AGAP1: variants seen among roughly 807,000 people sequenced by gnomAD.
AGAP1 encodes ArfGAP with GTPase domain, ankyrin repeat and PH domain 1, also known as arf-GAP with GTPase, ANK repeat and PH domain-containing protein 1.
AGAP1 carries 29 observed loss-of-function variants against 105.3 expected under a neutral mutation model. The observed-to-expected ratio is 0.28, with a 90% CI of 0.21 to 0.38. The LOEUF (loss-of-function observed/expected upper bound fraction) is 0.38. Ranked by LOEUF, AGAP1 falls within the 10% of genes least tolerant of loss-of-function variation. The probability of loss-of-function intolerance (pLI) is 1.00; values close to 1 mark genes in which losing one functional copy is unlikely to be tolerated. For missense variants in AGAP1, 998 were observed against 1,165.1 expected, an observed-to-expected ratio of 0.86 and a Z score of 2.09; for synonymous variants, 509 against 485.9, an observed-to-expected ratio of 1.05 and a Z score of -0.63.
At chr2:235,917,470 T>TCCTCTTTCTCCCTCTCTC (rs1460462911) in intron 11 of AGAP1, among the ~76,000 whole-genome samples, 3 of 152,156 alleles carry the variant, frequency 2.0e-5, no homozygotes, top group Non-Finnish European at 4.4e-5. Context: ...TTCTCTCTCG[T>TCCTCTTTCTCCCTCTCTC]CCTCTTTCTC....
chr2:235,585,172 GA>G (rs1051784429), intron 1 of AGAP1, among the ~76,000 whole-genome samples: 1 of 152,144 alleles, frequency 6.6e-6, no homozygotes, highest in African/African-American at 2.4e-5. Context: ...AAACAGCATA[GA>G]TTTATTACAG....
chr2:235,852,292 C>A (rs1004515907), intron 9 of AGAP1, among the ~76,000 whole-genome samples: 1 of 152,198 alleles, frequency 6.6e-6, no homozygotes, highest in Non-Finnish European at 1.5e-5. Context: ...GAGAAGGGCC[C>A]GGGCGTGCAT....
chr2:235,939,096 A>G (rs2053129727), intron 12 of AGAP1, among the ~76,000 whole-genome samples: 1 of 152,104 alleles, frequency 6.6e-6, no homozygotes, highest in African/African-American at 2.4e-5. Context: ...AAACCCAGAG[A>G]ATTGAACTGG....
rs1396970204 is a variant in AGAP1, at chr2:235,751,237, T to C, written c.673+749T>C. ...AGGAGGGTCTGGGGTAAATAAGGAC[T>C]GATACTTCTAAAGCCAGTCTTTTCA... On this transcript the variant is annotated intron_variant, in intron 6 of 17. Transcript: ENST00000304032. The surrounding 1 kb of genome is among the most constrained non-coding windows in gnomAD (Gnocchi z 5.3). Among the ~76,000 whole-genome samples the C allele has an allele frequency of 6.6e-6, 1 of 152,162 alleles. No individual in the cohort carries two copies. Among genetic ancestry groups the C allele is most frequent in the Non-Finnish European group, 1.5e-5 (1 of 68,030 alleles).
At chr2:236,107,935 C>T (rs1415157290) in intron 16 of AGAP1, among the ~76,000 whole-genome samples, 1 of 152,240 alleles carries the variant, frequency 6.6e-6, no homozygotes, top group African/African-American at 2.4e-5. Flanking sequence ...ATAAAACACC[C>T]TGCAGGTTGG....
intron 10 of AGAP1, among the ~76,000 whole-genome samples, chr2:235,892,381 G>C (rs1439302829): frequency 6.6e-6 from 1 of 152,110 alleles, no homozygotes; most frequent in Non-Finnish European, 1.5e-5. Context: ...TTGATTCTGT[G>C]TGTCGTCAAA....
intron 1 of AGAP1, among the ~76,000 whole-genome samples, chr2:235,541,270 A>G (rs1238642589): frequency 5.9e-5 from 9 of 151,928 alleles, no homozygotes. Context: ...GACGTTTTAC[A>G]AGAACCTTTG....
intron 12 of AGAP1, among the ~76,000 whole-genome samples, chr2:235,941,540 G>T (rs1357950824): frequency 2.6e-5 from 4 of 152,170 alleles, no homozygotes; most frequent in African/African-American, 9.7e-5. Context: ...GTGAGCAGGT[G>T]CAAGGCATAC....
chr2:235,954,544 C>G (rs1227388298), intron 12 of AGAP1, among the ~76,000 whole-genome samples: 1 of 148,320 alleles, frequency 6.7e-6, no homozygotes. Context: ...TCGTATGTTA[C>G]GGTTCTGTGT....
At chr2:235,833,471 CTG>C (rs1959702348) in intron 9 of AGAP1, among the ~76,000 whole-genome samples, 1 of 152,156 alleles carries the variant, frequency 6.6e-6, no homozygotes, top group African/African-American at 2.4e-5. Flanking sequence ...TTCACTCTCT[CTG>C]AAACACCTAA....
Position 236,040,508 on chromosome 2 carries a change from G to A in AGAP1, c.1801-243G>A, listed in dbSNP as rs999861735. On this transcript the variant is annotated intron_variant, in intron 14 of 17. Coordinates refer to ENST00000304032, the MANE Select transcript of AGAP1 (RefSeq NM_001037131.3). This position sits in a 1 kb window ranked among gnomAD's most constrained non-coding sequence, Gnocchi z 5.6. ...GAACTCTCCTCTTTGCTCATTTCTG[G>A]CAGAGTCCGTCTCAGCTGATGAGTT... 1.1e-5 allele frequency: 6 copies of A among 528,258 alleles called. No homozygotes were observed. Among genetic ancestry groups the A allele is most frequent in the African/African-American group, 2.0e-5 (1 of 51,042 alleles). The allele number at this position is 528,258 out of a possible 1,614,324, so 32.7% of individuals were successfully genotyped here.
intron 9 of AGAP1, among the ~76,000 whole-genome samples, chr2:235,811,165 G>A (rs980903687): frequency 1.3e-5 from 2 of 152,062 alleles, no homozygotes; most frequent in Non-Finnish European, 1.5e-5. Context: ...TTTCTCTTTA[G>A]CATTTTTTAA....
chr2:235,886,026 A>T (rs541810346), intron 10 of AGAP1, among the ~76,000 whole-genome samples: 2 of 152,244 alleles, frequency 1.3e-5, no homozygotes, highest in East Asian at 3.9e-4. Context: ...TCTCTCCAGG[A>T]CTGCCCCATG....
At chr2:235,826,960 A>G (rs1304650773) in intron 9 of AGAP1, among the ~76,000 whole-genome samples, 3 of 152,072 alleles carry the variant, frequency 2.0e-5, no homozygotes, top group Non-Finnish European at 2.9e-5. Flanking sequence ...AAGTACCTGC[A>G]CTTTTCAGAT....
Position 235,724,649 on chromosome 2 carries a change from T to C in AGAP1, c.310+7005T>C, listed in dbSNP as rs1384574148. On this transcript the variant is annotated intron_variant, in intron 3 of 17. Transcript: ENST00000304032. The surrounding 1 kb of genome is among the most constrained non-coding windows in gnomAD (Gnocchi z 4.9). ...ACAGATAAGGGAGACTGAAGAAACC[T>C]GAACATCCAGTGCTCATGAGGAAAA... Among the ~76,000 whole-genome samples, 6 of 152,106 alleles carry C rather than the reference T, an allele frequency of 3.9e-5. No individual in the cohort carries two copies. Among genetic ancestry groups the C allele is most frequent in the Admixed American group, 3.9e-4 (6 of 15,276 alleles).
Position 235,792,243 on chromosome 2 carries a change from T to G in AGAP1, c.674-5516T>G, listed in dbSNP as rs191358931. 2.1e-3 allele frequency among the ~76,000 whole-genome samples: 321 copies of G among 152,280 alleles called. No homozygotes were observed. Among genetic ancestry groups the G allele is most frequent in the African/African-American group, 7.6e-3 (316 of 41,560 alleles). ...TTCAGTGTCACTGCAATCTATACGC[T>G]TTCTCTGTGTCTTCCTTAGTTCTCT... is the stretch of plus-strand genomic sequence containing the variant. On this transcript the variant is annotated intron_variant, in intron 6 of 17. Transcript: ENST00000304032. This position sits in a 1 kb window ranked among gnomAD's most constrained non-coding sequence, Gnocchi z 5.3.
At chr2:236,106,140 CCTAGGCAT>C (rs1334791748) in intron 16 of AGAP1, among the ~76,000 whole-genome samples, 1 of 152,184 alleles carries the variant, frequency 6.6e-6, no homozygotes, top group African/African-American at 2.4e-5. Context: ...CCTTTGGGGC[CCTAGGCAT>C]CAGGATGTCT....
At position 235,967,468 on chromosome 2, in the gene AGAP1, C is replaced by A. The variant is rs1366322542; in HGVS notation, c.1484-994C>A. Among the ~76,000 whole-genome samples the A allele has an allele frequency of 6.6e-6, 1 of 152,164 alleles. No individual in the cohort carries two copies. The highest frequency in any genetic ancestry group is 1.9e-4 in the East Asian group (1 of 5,194). The stretch of plus-strand genomic sequence containing the variant: ...TCACTGCCACTCCACTTTACAGAGT[C>A]CCCATTGGGGCAGGAATGTTTATCT... On this transcript the variant is annotated intron_variant, in intron 12 of 17. Coordinates refer to ENST00000304032, the MANE Select transcript of AGAP1 (RefSeq NM_001037131.3). The surrounding 1 kb of genome is among the most constrained non-coding windows in gnomAD (Gnocchi z 4.7).
intron 1 of AGAP1, among the ~76,000 whole-genome samples, chr2:235,629,268 TTGTGTGTG>T (rs60059513): frequency 0.1 from 14,023 of 135,604 alleles, 604 homozygotes; most frequent in Non-Finnish European, 0.12. Context: ...GTAGTAGTCA[TTGTGTGTG>T]TGTGTGTGTG....
Sources: gnomAD v4.1 joint callset for allele counts (sites outside exome capture counted in the v4.1 genomes callset) on GRCh38, gnomAD v4.1.1 for gene constraint, Gnocchi (gnomAD v3.1) non-coding constraint, MANE v1.5 for transcripts, NCBI Gene and HGNC (gene_info 2026-07-23, HGNC 2026-07-21) for gene names.